The following MTERF4 variants were observed in gnomAD, a reference collection of about 807,000 sequenced individuals.
The protein encoded by MTERF4 is mitochondrial transcription termination factor 4, also known as transcription termination factor 4, mitochondrial.
In MTERF4, 17 loss-of-function variants were observed where a neutral mutation model predicts 22.5. That is an observed-to-expected ratio of 0.75 (90% CI 0.52 to 1.13). MTERF4 has a LOEUF of 1.13. MTERF4 is among the 50% of genes most tolerant of loss of function. The pLI is 0.00. For synonymous variants in MTERF4, 165 were observed against 175.3 expected, an observed-to-expected ratio of 0.94 and a Z score of 0.47; for missense variants, 420 against 466.8, an observed-to-expected ratio of 0.90 and a Z score of 0.92.
the MTERF4 span, among the ~76,000 whole-genome samples, chr2:241,062,152 TG>T: frequency 6.6e-6 from 1 of 152,212 alleles, no homozygotes; most frequent in African/African-American, 2.4e-5. Flanking sequence ...CATATTTTAC[TG>T]CCAGAAAACC....
chr2:241,095,628 C>G lies in MTERF4; in HGVS notation c.*370G>C. The G allele has an allele frequency of 4.7e-6, 1 of 214,444 alleles. No individual in the cohort carries two copies. Among genetic ancestry groups the G allele is most frequent in the African/African-American group, 2.3e-5 (1 of 43,214 alleles). The allele number at this position is 214,444 out of a possible 1,614,324, so 13.3% of individuals were successfully genotyped here. A position where few individuals can be genotyped will look rare whatever the true frequency, so the allele number is the denominator to read the frequency against. ...AAGGAAATACATAGTGATTCCTGAA[C>G]CGGAAGAATGAACCCCATCTTCCAA... On this transcript the variant is annotated 3_prime_UTR_variant, in exon 4 of 4. Coordinates refer to ENST00000391980, the MANE Select transcript of MTERF4 (RefSeq NM_182501.4).
At chr2:241,095,489 T>C (rs371840785), downstream of MTERF4, 13 of 160,498 alleles carry the variant, frequency 8.1e-5, no homozygotes, top group East Asian at 7.4e-4. Context: ...AATATACTTT[T>C]GGATTAAAAA....
chr2:241,071,957 A>C, downstream of MTERF4: 1 of 1,188,134 alleles, frequency 8.4e-7, no homozygotes, highest in Non-Finnish European at 1.2e-6. Context: ...CCTGTCCCCT[A>C]CATGATGAGC....
downstream of MTERF4, chr2:241,071,455 C>A (rs2062711014): frequency 3.3e-6 from 4 of 1,201,346 alleles, no homozygotes; most frequent in African/African-American, 1.5e-5. Context: ...GGCCCACGCA[C>A]ATGCCCCCCT....
the MTERF4 span, among the ~76,000 whole-genome samples, chr2:241,060,938 A>C: frequency 2.6e-5 from 4 of 152,152 alleles, no homozygotes; most frequent in Non-Finnish European, 5.9e-5. Flanking sequence ...TCAAAAAAAA[A>C]CAACCAAAAA....
chr2:241,099,851 A>G lies in MTERF4; in HGVS notation c.65T>C (p.Met22Thr), dbSNP rs1182016954. ...TCCAAGATGAGGAGTCTGCCTAGCC[A>G]TACAGGCCCAGGTGAGGGGGATCAG... The part of the protein sequence containing the change: ...HRLIPLTWAC[M>T]ARQTPHLGEQ... The change falls in exon 2 of 4, where the codon ATG becomes ACG. Residue 22 changes from methionine (M) to threonine (T), a missense_variant. Met to Thr is a moderately conservative substitution (Grantham distance 81, BLOSUM62 -1). Coordinates refer to ENST00000391980, the MANE Select transcript of MTERF4 (RefSeq NM_182501.4). The G allele has an allele frequency of 6.2e-7, 1 of 1,613,842 alleles. No individual in the cohort carries two copies. The highest frequency in any genetic ancestry group is 1.3e-5 in the African/African-American group (1 of 74,932).
intron 1 of MTERF4, chr2:241,101,066 AG>A (rs2064682469): frequency 4.6e-6 from 2 of 432,676 alleles, no homozygotes; most frequent in Non-Finnish European, 9.9e-6. Context: ...CAGACTGGTG[AG>A]GGGTTTCAGG....
chr2:241,047,899 G>GCT, the MTERF4 span, among the ~76,000 whole-genome samples: 1 of 151,730 alleles, frequency 6.6e-6, no homozygotes, highest in African/African-American at 2.4e-5. Context: ...ATCCTGGGTG[G>GCT]TCTCTCCGGT....
intron 1 of MTERF4, 173 bp from the exon 2 acceptor site, chr2:241,100,067 A>G (rs2064635416): frequency 1.3e-6 from 1 of 751,744 alleles, no homozygotes; most frequent in East Asian, 2.8e-5. Flanking sequence ...GGAAGCTCAC[A>G]AAGAACAGGG....
chr2:241,053,194 C>T, the MTERF4 span: 2 of 1,611,158 alleles, frequency 1.2e-6, no homozygotes, highest in Non-Finnish European at 1.7e-6. Flanking sequence ...GCACGCCACA[C>T]TGCGCTTCAA....
At chr2:241,053,110 G>A in the MTERF4 span, 40 of 1,573,202 alleles carry the variant, frequency 2.5e-5, no homozygotes, top group African/African-American at 5.1e-4. Context: ...GGAGGGGCCA[G>A]GAAGGCACAG....
chr2:241,097,843 G>A (rs2064525898), intron 2 of MTERF4, among the ~76,000 whole-genome samples: 1 of 152,188 alleles, frequency 6.6e-6, no homozygotes. Flanking sequence ...AATAGTCATT[G>A]AAGCATTCAC....
intron 4 of MTERF4, among the ~76,000 whole-genome samples, chr2:241,079,285 G>T: frequency 6.6e-6 from 1 of 150,962 alleles, no homozygotes; most frequent in South Asian, 2.1e-4. Context: ...AGTGGCAGGC[G>T]CCTGTAGTCC....
chr2:241,065,513 C>T, the MTERF4 span: 18 of 1,612,986 alleles, frequency 1.1e-5, no homozygotes, highest in Non-Finnish European at 1.4e-5. Context: ...GCAGGGCCTA[C>T]AACATCTCCG....
At chr2:241,085,278 GCTCTT>G (rs1198624161), downstream of MTERF4, among the ~76,000 whole-genome samples, 1 of 152,108 alleles carries the variant, frequency 6.6e-6, no homozygotes, top group African/African-American at 2.4e-5. Flanking sequence ...GGTCACTGCA[GCTCTT>G]CTCAACTTTT....
downstream of MTERF4, among the ~76,000 whole-genome samples, chr2:241,067,529 CCACAGCGGGCTCTGCAGCCGTCATGCT>C (rs369464435): frequency 2.6e-5 from 4 of 152,178 alleles, no homozygotes; most frequent in African/African-American, 7.2e-5. Flanking sequence ...ACGGGCTGGC[CCACAGCGGGCTCTGCAGCCGTCATGCT>C]CACAGCGGGT....
the MTERF4 span, among the ~76,000 whole-genome samples, chr2:241,046,441 C>A: frequency 1.3e-5 from 2 of 152,132 alleles, 1 homozygote; most frequent in South Asian, 4.1e-4. Flanking sequence ...AATTGTGGAA[C>A]CTCTGTATGG....
At chr2:241,088,495 G>A (rs536633454), downstream of MTERF4, 4,481 of 1,026,452 alleles carry the variant, frequency 4.4e-3, 17 homozygotes, top group Non-Finnish European at 6.1e-3. Flanking sequence ...GCCGCTGCCT[G>A]CTTACTCAGC....
At chr2:241,065,829 C>T in the MTERF4 span, among the ~76,000 whole-genome samples, 1 of 151,994 alleles carries the variant, frequency 6.6e-6, no homozygotes, top group African/African-American at 2.4e-5. Flanking sequence ...AGAATCGAGC[C>T]AAGAGTGGGA....
Sources: gnomAD v4.1 joint callset for allele counts (sites outside exome capture counted in the v4.1 genomes callset) on GRCh38, gnomAD v4.1.1 for gene constraint, MANE v1.5 for transcripts, NCBI Gene and HGNC (gene_info 2026-07-23, HGNC 2026-07-21) for gene names.